GPR55: variants seen among roughly 807,000 people sequenced by gnomAD.
GPR55 encodes the protein G-protein coupled receptor 55.
In GPR55, 6 loss-of-function variants were observed where a neutral mutation model predicts 7.9. The observed-to-expected ratio is 0.76, with a 90% CI of 0.41 to 1.49. The LOEUF (loss-of-function observed/expected upper bound fraction) is 1.49. Ranked by LOEUF, GPR55 falls within the 40% of genes most tolerant of loss-of-function variation. The pLI, the probability that GPR55 is intolerant of heterozygous loss-of-function variation, is 0.01. For missense variants in GPR55, 376 were observed against 406.0 expected (o/e 0.93, Z 0.63); for synonymous variants, 183 against 166.8 (o/e 1.10, Z -0.75).
chr2:230,936,147 A>C (rs541790954), intron 1 of GPR55, among the ~76,000 whole-genome samples: 1 of 152,302 alleles, frequency 6.6e-6, no homozygotes, highest in East Asian at 1.9e-4. Flanking sequence ...CCAAAGGGAG[A>C]TTCCAGACAA....
rs1226410879 is a variant in GPR55 at position 230,958,828 on chromosome 2, A to G, written c.-135+1947T>C. On this transcript the variant is annotated intron_variant, in intron 1 of 1. Coordinates refer to the GPR55 transcript ENST00000392039. ...CCTATGGCCTTAGCACCCATTGACC[A>G]TATTTTCTGAATCAGTTATAACGAG... is the stretch of plus-strand genomic sequence containing the variant. 3.3e-5 allele frequency among the ~76,000 whole-genome samples: 5 copies of G among 152,226 alleles called. No individual in the cohort carries two copies. The East Asian group carries it at 7.7e-4, about 23-fold the overall frequency.
upstream of GPR55, chr2:230,929,558 G>A (rs889373419): frequency 6.6e-6 from 1 of 152,228 alleles, no homozygotes; most frequent in Non-Finnish European, 1.5e-5. Context: ...AGATATCTGT[G>A]CCTTCTGTTC....
intron 1 of GPR55, among the ~76,000 whole-genome samples, chr2:230,912,299 C>T (rs372182828): frequency 1.3e-5 from 2 of 152,190 alleles, no homozygotes; most frequent in East Asian, 3.8e-4. Flanking sequence ...TGTGCCTCTC[C>T]CACCTCCCAT....
chr2:230,950,521 CCTT>C (rs772903140), intron 1 of GPR55, among the ~76,000 whole-genome samples: 34 of 152,300 alleles, frequency 2.2e-4, no homozygotes, highest in South Asian at 6.2e-4. Flanking sequence ...GATAAGGAAA[CCTT>C]CTCTGCTTCA....
At chr2:230,957,356 T>C (rs113019948) in intron 1 of GPR55, among the ~76,000 whole-genome samples, 2,598 of 152,344 alleles carry the variant, frequency 0.017, 64 homozygotes, top group African/African-American at 0.06. Context: ...TGCGATACCA[T>C]GACAGTCGAT....
chr2:230,912,417 A>G (rs1690614643), intron 1 of GPR55, among the ~76,000 whole-genome samples: 1 of 151,882 alleles, frequency 6.6e-6, no homozygotes, highest in African/African-American at 2.4e-5. Flanking sequence ...CACTGCAGCT[A>G]TTTATTTTTA....
intron 1 of GPR55, among the ~76,000 whole-genome samples, chr2:230,921,355 G>A (rs1690832437): frequency 6.6e-6 from 1 of 152,046 alleles, no homozygotes; most frequent in African/African-American, 2.4e-5. Flanking sequence ...ATAAATCAAG[G>A]GTCTATGCTC....
chr2:230,953,256 G>A (rs1313059093), intron 1 of GPR55, among the ~76,000 whole-genome samples: 1 of 151,296 alleles, frequency 6.6e-6, no homozygotes, highest in African/African-American at 2.5e-5. Flanking sequence ...GAACTGGTGA[G>A]TATGTTAAAT....
At chr2:230,959,650 T>A (rs1691540292) in intron 1 of GPR55, among the ~76,000 whole-genome samples, 1 of 130,492 alleles carries the variant, frequency 7.7e-6, no homozygotes, top group African/African-American at 2.9e-5. Flanking sequence ...CCAGCCACAT[T>A]CCTAAAGCAC....
At position 230,907,351 on chromosome 2, in the gene GPR55, G is replaced by A. The variant is rs554680561; in HGVS notation, c.*2652C>T. The A allele has an allele frequency of 2.6e-5, 4 of 152,370 alleles. No homozygotes were observed. Among genetic ancestry groups the A allele is most frequent in the East Asian group, 1.9e-4 (1 of 5,182 alleles). The allele number at this position is 152,370 out of a possible 1,614,324, so 9.4% of individuals were successfully genotyped here. A position where few individuals can be genotyped will look rare whatever the true frequency, so the allele number is the denominator to read the frequency against. The stretch of plus-strand genomic sequence containing the variant: ...CATCACATGAATCTATTTATTTGGC[G>A]AATCAGATTAATCAAGTCATTTTTT... On this transcript the variant is annotated 3_prime_UTR_variant, in exon 2 of 2. Coordinates refer to ENST00000650999, the MANE Select transcript of GPR55 (RefSeq NM_005683.4).
At chr2:230,941,526 C>T (rs184878853) in intron 1 of GPR55, among the ~76,000 whole-genome samples, 53 of 152,326 alleles carry the variant, frequency 3.5e-4, no homozygotes, top group Admixed American at 2.2e-3. Flanking sequence ...CACTCGGTCT[C>T]CTGGCCTTCC....
intron 1 of GPR55, among the ~76,000 whole-genome samples, chr2:230,941,707 C>T (rs912743285): frequency 7.9e-5 from 12 of 152,086 alleles, no homozygotes; most frequent in Non-Finnish European, 1.3e-4. Context: ...TCAGGTTGAA[C>T]GTCACTCCCC....
chr2:230,957,897 T>C (rs1574638979), intron 1 of GPR55: 1 of 526,672 alleles, frequency 1.9e-6, no homozygotes, highest in East Asian at 5.2e-5. Flanking sequence ...AGATATTATG[T>C]GAAAGTACCC....
In GPR55 at chr2:230,944,990, G is replaced by C. The variant is rs1197355177; in HGVS notation, c.-135+15785C>G. Among the ~76,000 whole-genome samples the C allele has an allele frequency of 6.6e-6, 1 of 152,220 alleles. No individual in the cohort carries two copies. The highest frequency in any genetic ancestry group is 1.5e-5 in the Non-Finnish European group (1 of 68,042). On this transcript the variant is annotated intron_variant, in intron 1 of 1. Coordinates refer to the GPR55 transcript ENST00000392039. The surrounding 1 kb of genome is among the most constrained non-coding windows in gnomAD (Gnocchi z 4.2). Reference sequence around the variant, plus strand: ...GAACCAGGTAAGGTTCCCGCACATCGCCCTCCATGAAGCAGGAGCAGGAGC... The same window carrying C: ...GAACCAGGTAAGGTTCCCGCACATCCCCCTCCATGAAGCAGGAGCAGGAGC...
At chr2:230,957,536 C>A in intron 1 of GPR55, 1 of 369,444 alleles carries the variant, frequency 2.7e-6, no homozygotes, top group South Asian at 2.1e-5. Flanking sequence ...GCTGGCCGGT[C>A]TTCCTTCTCC....
At chr2:230,946,707 G>A (rs765118905) in intron 1 of GPR55, among the ~76,000 whole-genome samples, 7 of 152,212 alleles carry the variant, frequency 4.6e-5, no homozygotes, top group African/African-American at 1.7e-4. Flanking sequence ...CATGGGACAA[G>A]TTCCCACTGC....
chr2:230,919,293 C>A (rs1015549548), intron 1 of GPR55, among the ~76,000 whole-genome samples: 1 of 152,082 alleles, frequency 6.6e-6, no homozygotes, highest in African/African-American at 2.4e-5. Context: ...AGAAAATAAA[C>A]AGGACAGGTT....
intron 1 of GPR55, among the ~76,000 whole-genome samples, chr2:230,939,501 C>A (rs1049413524): frequency 3.9e-5 from 6 of 152,190 alleles, no homozygotes; most frequent in African/African-American, 1.4e-4. Flanking sequence ...GAGAAGTTGG[C>A]ATCTCCTGGG....
rs1691308636 is a variant in GPR55 at position 230,946,034 on chromosome 2, A to T, written c.-135+14741T>A. 2.6e-5 allele frequency among the ~76,000 whole-genome samples: 4 copies of T among 152,246 alleles called. 1 individual carries two copies. In the South Asian group the frequency reaches 8.3e-4, roughly 32 times the overall value. Reference sequence around the variant, plus strand: ...CACAATGAAATATTATTTAGCCATTAAAAAAGGGAATCTTGTCATTTGTGA... The same window carrying T: ...CACAATGAAATATTATTTAGCCATTTAAAAAGGGAATCTTGTCATTTGTGA... On this transcript the variant is annotated intron_variant, in intron 1 of 1. Transcript: ENST00000392039.
Sources: gnomAD v4.1 joint callset for allele counts (sites outside exome capture counted in the v4.1 genomes callset) on GRCh38, gnomAD v4.1.1 for gene constraint, Gnocchi (gnomAD v3.1) non-coding constraint, MANE v1.5 for transcripts, NCBI Gene and HGNC (gene_info 2026-07-23, HGNC 2026-07-21) for gene names.